Variants in ANO2 observed in about 807,000 individuals in gnomAD.
ANO2 encodes anoctamin-2.
Under a neutral mutation model 124.2 loss-of-function variants are expected in ANO2, and 101 were observed. The observed-to-expected ratio is 0.81, with a 90% CI of 0.69 to 0.96. The LOEUF (loss-of-function observed/expected upper bound fraction) is 0.96, where lower values mean the gene tolerates loss of function less well. Ranked by LOEUF, ANO2 falls within the 40% of genes least tolerant of loss-of-function variation. The pLI is 0.00. For synonymous variants in ANO2, 486 were observed against 482.5 expected (o/e 1.01, Z -0.09); for missense variants, 1,293 against 1,274.5 (o/e 1.01, Z -0.22).
At chr12:5,929,495 C>A (rs61908430) in intron 1 of ANO2, among the ~76,000 whole-genome samples, 7 of 65,286 alleles carry the variant, frequency 1.1e-4, no homozygotes, top group South Asian at 5.4e-4. Context: ...TTTCCTTACT[C>A]GTCTACCTTC....
intron 10 of ANO2, among the ~76,000 whole-genome samples, chr12:5,753,081 C>T (rs1020776895): frequency 1.3e-5 from 2 of 152,100 alleles, no homozygotes; most frequent in African/African-American, 2.4e-5. Context: ...GTTTATTTTG[C>T]TAAGGTTAAG....
intron 14 of ANO2, among the ~76,000 whole-genome samples, chr12:5,730,537 A>G (rs1950593300): frequency 2.6e-5 from 4 of 152,222 alleles, no homozygotes. Context: ...AAGCACATCC[A>G]AGACCACCAG....
At chr12:5,754,146 G>A (rs191745487) in intron 10 of ANO2, among the ~76,000 whole-genome samples, 15 of 152,018 alleles carry the variant, frequency 9.9e-5, no homozygotes, top group East Asian at 3.9e-4. Context: ...ATTTTAAATC[G>A]TGAAACAGTG....
At chr12:5,792,524 G>A (rs1433669797) in intron 10 of ANO2, among the ~76,000 whole-genome samples, 1 of 152,198 alleles carries the variant, frequency 6.6e-6, no homozygotes, top group Non-Finnish European at 1.5e-5. Flanking sequence ...TGCAATCCTA[G>A]CTTGGTTTTA....
At chr12:5,649,054 G>A (rs888664145) in intron 14 of ANO2, among the ~76,000 whole-genome samples, 1 of 152,208 alleles carries the variant, frequency 6.6e-6, no homozygotes, top group African/African-American at 2.4e-5. Flanking sequence ...GTGGGAGACA[G>A]AAGAAAATTG....
chr12:5,609,467 C>T (rs1334152195), intron 19 of ANO2, among the ~76,000 whole-genome samples: 2 of 152,104 alleles, frequency 1.3e-5, no homozygotes, highest in Non-Finnish European at 2.9e-5. Flanking sequence ...ATTCTCATTC[C>T]TTGAAGCAGG....
At chr12:5,918,073 G>C (rs1211330622) in intron 3 of ANO2, among the ~76,000 whole-genome samples, 1 of 152,090 alleles carries the variant, frequency 6.6e-6, no homozygotes, top group African/African-American at 2.4e-5. Flanking sequence ...CAACAACAGA[G>C]GTACGCACCA....
chr12:5,687,879 A>ACAC lies in ANO2; in HGVS notation c.1546-40081_1546-40079dup, dbSNP rs146395398. Among the ~76,000 whole-genome samples, 121 of 150,722 alleles carry ACAC rather than the reference A, an allele frequency of 8.0e-4. 1 individual carries two copies. Among genetic ancestry groups the ACAC allele is most frequent in the Non-Finnish European group, 1.6e-3 (107 of 67,500 alleles). ...CAGGACTGCCAAAACAACAACAACA[A>ACAC]CACCAGGAGGTCAGGTCCAATGTCC... is the stretch of plus-strand genomic sequence containing the variant. On this transcript the variant is annotated intron_variant, in intron 14 of 24. Transcript: ENST00000682330.
intron 16 of ANO2, among the ~76,000 whole-genome samples, chr12:5,623,476 G>A (rs1039570402): frequency 5.3e-5 from 8 of 152,116 alleles, no homozygotes; most frequent in African/African-American, 9.7e-5. Context: ...TTTCTTTTAC[G>A]TGTTAATCCT....
chr12:5,754,892 A>T (rs1951532349), intron 10 of ANO2, among the ~76,000 whole-genome samples: 1 of 151,844 alleles, frequency 6.6e-6, no homozygotes, highest in Admixed American at 6.6e-5. Flanking sequence ...TTCTGTTTTC[A>T]TATCCTGTCT....
intron 10 of ANO2, among the ~76,000 whole-genome samples, chr12:5,766,070 T>C (rs2137113816): frequency 6.6e-6 from 1 of 152,236 alleles, no homozygotes; most frequent in Middle Eastern, 3.4e-3. Flanking sequence ...TTGGCCAAAA[T>C]GTGGAGAAAC....
chr12:5,930,406 G>A (rs1000254748), intron 1 of ANO2, among the ~76,000 whole-genome samples: 5 of 152,140 alleles, frequency 3.3e-5, no homozygotes, highest in Admixed American at 6.5e-5. Context: ...GGTATAGGGG[G>A]AAGGCCAGCA....
At chr12:5,609,869 G>GTATATATATATATATATATATA (rs10677018) in intron 19 of ANO2, among the ~76,000 whole-genome samples, 6 of 144,378 alleles carry the variant, frequency 4.2e-5, no homozygotes, top group Admixed American at 2.1e-4. Flanking sequence ...TTTAGAAAAT[G>GTATATATATATATATATATATA]TATATATATA....
rs898916560 is a variant in ANO2, at chr12:5,614,084, G to A, written c.1928+1102C>T. 3.9e-5 allele frequency among the ~76,000 whole-genome samples: 6 copies of A among 152,314 alleles called. No individual in the cohort carries two copies. The East Asian group carries it at 1.2e-3, about 29-fold the overall frequency. Reference sequence around the variant, plus strand: ...TGCTTAATGAACTTTTAGTTCTAGGGAAGCTTTCCTGATGTTGTTGGTTGA... The same window carrying A: ...TGCTTAATGAACTTTTAGTTCTAGGAAAGCTTTCCTGATGTTGTTGGTTGA... On this transcript the variant is annotated intron_variant, in intron 17 of 24. Transcript: ENST00000682330.
chr12:5,807,657 C>T (rs1417840513), intron 7 of ANO2, among the ~76,000 whole-genome samples: 1 of 152,192 alleles, frequency 6.6e-6, no homozygotes, highest in Admixed American at 6.5e-5. Context: ...AATAACCTTC[C>T]ACCACCATCA....
At chr12:5,841,077 G>A (rs770477813) in intron 4 of ANO2, among the ~76,000 whole-genome samples, 27 of 152,178 alleles carry the variant, frequency 1.8e-4, no homozygotes, top group African/African-American at 6.3e-4. Flanking sequence ...TGCTCTCCCC[G>A]CCAGGTGGTG....
rs555473459 is a variant in ANO2, at chr12:5,825,087, T to TG, written c.892+2681dup. 3.0e-4 allele frequency among the ~76,000 whole-genome samples: 45 copies of TG among 152,300 alleles called. No individual in the cohort carries two copies. The East Asian group carries it at 8.7e-3, about 29-fold the overall frequency. On this transcript the variant is annotated intron_variant, in intron 7 of 24. Transcript: ENST00000682330. ...GCCAAACCATATCAACTACCATCCG[T>TG]GGACTCATAGAATGTCTTATCCACT...
intron 14 of ANO2, among the ~76,000 whole-genome samples, chr12:5,685,852 G>A (rs1239758207): frequency 3.3e-5 from 5 of 152,134 alleles, no homozygotes; most frequent in Admixed American, 2.0e-4. Flanking sequence ...TGCCTGGCTC[G>A]TCCAACAGAA....
chr12:5,751,100 T>G, intron 10 of ANO2, 130 bp from the exon 11 acceptor site: 1 of 905,644 alleles, frequency 1.1e-6, no homozygotes, highest in South Asian at 2.0e-5. Flanking sequence ...AACAAAGGGA[T>G]GGAGGTTGCA....
Sources: gnomAD v4.1 joint callset for allele counts (sites outside exome capture counted in the v4.1 genomes callset) on GRCh38, gnomAD v4.1.1 for gene constraint, MANE v1.5 for transcripts, NCBI Gene and HGNC (gene_info 2026-07-23, HGNC 2026-07-21) for gene names.